ZFHX3: variants seen among roughly 807,000 people sequenced by gnomAD.
ZFHX3 encodes the protein zinc finger homeobox protein 3.
Under a neutral mutation model 279.1 loss-of-function variants are expected in ZFHX3, and 42 were observed. That is an observed-to-expected ratio of 0.15 (90% confidence interval 0.12 to 0.19). The LOEUF (loss-of-function observed/expected upper bound fraction) is 0.19. Ranked by LOEUF, ZFHX3 falls within the 10% of genes least tolerant of loss-of-function variation. The pLI, the probability that ZFHX3 is intolerant of heterozygous loss-of-function variation, is 1.00. For synonymous variants in ZFHX3, 2,293 were observed against 1,957.8 expected, an observed-to-expected ratio of 1.17 and a Z score of -4.52; for missense variants, 4,981 against 4,754.0, an observed-to-expected ratio of 1.05 and a Z score of -1.40.
At chr16:73,183,617 T>C (rs1967848373) in intron 5 of ZFHX3, among the ~76,000 whole-genome samples, 1 of 152,352 alleles carries the variant, frequency 6.6e-6, no homozygotes, top group East Asian at 1.9e-4. Context: ...CAGCCCAGAC[T>C]TCACACGCTG....
At chr16:73,302,585 A>C (rs2015081810) in intron 4 of ZFHX3, among the ~76,000 whole-genome samples, 1 of 152,260 alleles carries the variant, frequency 6.6e-6, no homozygotes, top group Admixed American at 6.5e-5. Context: ...TATGAACTAG[A>C]GAGCAGCCTC....
intron 5 of ZFHX3, among the ~76,000 whole-genome samples, chr16:73,150,065 A>G (rs1966902670): frequency 6.6e-6 from 1 of 152,142 alleles, no homozygotes; most frequent in African/African-American, 2.4e-5. Flanking sequence ...TCTTGTACCA[A>G]GCAGACGGAG....
intron 1 of ZFHX3, among the ~76,000 whole-genome samples, chr16:72,972,784 T>G (rs967506337): frequency 6.6e-6 from 1 of 152,010 alleles, no homozygotes; most frequent in Non-Finnish European, 1.5e-5. Flanking sequence ...CTTCCCCCAC[T>G]TCACTTCTGA....
chr16:73,564,731 A>G (rs1367534261), intron 2 of ZFHX3, among the ~76,000 whole-genome samples: 3 of 151,996 alleles, frequency 2.0e-5, no homozygotes, highest in African/African-American at 4.8e-5. Flanking sequence ...CTATACTTCA[A>G]AATTGTACCA....
intron 1 of ZFHX3, among the ~76,000 whole-genome samples, chr16:73,845,959 G>A (rs1961439367): frequency 6.6e-6 from 1 of 152,102 alleles, no homozygotes; most frequent in South Asian, 2.1e-4. Context: ...ACACAGGCAT[G>A]TGCCACTCTG....
chr16:72,972,635 G>T (rs767553522), intron 1 of ZFHX3, among the ~76,000 whole-genome samples: 1 of 152,134 alleles, frequency 6.6e-6, no homozygotes, highest in East Asian at 1.9e-4. Context: ...GGGTGGGAAG[G>T]CACTATGTCG....
At chr16:72,801,507 A>G (rs575273392) in intron 7 of ZFHX3, among the ~76,000 whole-genome samples, 1 of 152,314 alleles carries the variant, frequency 6.6e-6, no homozygotes, top group African/African-American at 2.4e-5. Context: ...TCAACATAGG[A>G]TAACTCCTCA....
At chr16:73,059,563 T>TCTCTCTCTCTCTCTCTC (rs1597142849) in exon 1 of ZFHX3, 2 of 137,044 alleles carry the variant, frequency 1.5e-5, no homozygotes, top group Non-Finnish European at 1.6e-5. Flanking sequence ...TCTCTCTCTC[T>TCTCTCTCTCTCTCTCTC]AAGCAAACGC....
intron 8 of ZFHX3, among the ~76,000 whole-genome samples, chr16:73,088,457 C>T (rs1242133524): frequency 6.6e-6 from 1 of 152,174 alleles, no homozygotes; most frequent in African/African-American, 2.4e-5. Flanking sequence ...TGCCACATTT[C>T]TTTTATTTCA....
intron 3 of ZFHX3, among the ~76,000 whole-genome samples, chr16:72,948,693 G>C (rs902185478): frequency 1.3e-5 from 2 of 152,180 alleles, no homozygotes; most frequent in Non-Finnish European, 2.9e-5. Flanking sequence ...GGATGCAAGA[G>C]GCCAGCTTCA....
At chr16:73,621,403 A>C (rs2052361162) in intron 2 of ZFHX3, among the ~76,000 whole-genome samples, 1 of 152,246 alleles carries the variant, frequency 6.6e-6, no homozygotes, top group African/African-American at 2.4e-5. Context: ...TCCCTCCAGC[A>C]GTCTCATTCC....
At chr16:72,844,596 C>T (rs1476998722) in intron 4 of ZFHX3, among the ~76,000 whole-genome samples, 2 of 152,128 alleles carry the variant, frequency 1.3e-5, no homozygotes, top group African/African-American at 4.8e-5. Flanking sequence ...TGTCCCTTTG[C>T]TGTAAACAAC....
chr16:73,398,249 A>G (rs1183039835), intron 3 of ZFHX3, among the ~76,000 whole-genome samples: 2 of 152,230 alleles, frequency 1.3e-5, no homozygotes, highest in African/African-American at 2.4e-5. Context: ...GCAAATCAAC[A>G]GAATTTAAAG....
At chr16:73,535,002 G>A (rs750757852) in intron 2 of ZFHX3, among the ~76,000 whole-genome samples, 11 of 151,860 alleles carry the variant, frequency 7.2e-5, no homozygotes, top group Non-Finnish European at 1.0e-4. Flanking sequence ...TTGATTAAGC[G>A]ATGTGATGGT....
chr16:73,239,648 C>T (rs989965108), intron 5 of ZFHX3, among the ~76,000 whole-genome samples: 1 of 152,086 alleles, frequency 6.6e-6, no homozygotes, highest in Non-Finnish European at 1.5e-5. Context: ...CAATTAGTAC[C>T]TGGTGGAGTT....
intron 1 of ZFHX3, among the ~76,000 whole-genome samples, chr16:73,033,980 A>G (rs1205452895): frequency 6.6e-6 from 1 of 152,218 alleles, no homozygotes; most frequent in Admixed American, 6.5e-5. Flanking sequence ...TTCTGCTAGA[A>G]GCCAGCAGAC....
intron 1 of ZFHX3, among the ~76,000 whole-genome samples, chr16:73,055,433 A>G (rs1049247990): frequency 2.0e-5 from 3 of 152,108 alleles, no homozygotes; most frequent in African/African-American, 7.2e-5. Flanking sequence ...TACACCAAAA[A>G]ATAAAATCAA....
intron 1 of ZFHX3, among the ~76,000 whole-genome samples, chr16:73,037,363 G>A (rs960268897): frequency 6.6e-6 from 1 of 152,160 alleles, no homozygotes; most frequent in Admixed American, 6.5e-5. Context: ...GATATGAAAT[G>A]TCCCACTGAG....
At chr16:73,658,387 C>T (rs912767856) in intron 2 of ZFHX3, among the ~76,000 whole-genome samples, 3 of 152,154 alleles carry the variant, frequency 2.0e-5, no homozygotes, top group Non-Finnish European at 4.4e-5. Flanking sequence ...CTCACCACAA[C>T]CTCTGCTTCC....
Sources: allele counts gnomAD v4.1 joint callset (sites outside exome capture counted in the v4.1 genomes callset), GRCh38; gene constraint gnomAD v4.1.1; transcripts MANE v1.5; gene names NCBI Gene and HGNC (gene_info 2026-07-23, HGNC 2026-07-21).